Variants in ST3GAL1 observed in about 807,000 individuals in gnomAD.
ST3GAL1 encodes CMP-N-acetylneuraminate-beta-galactosamide-alpha-2,3-sialyltransferase 1.
A neutral mutation model predicts 34.1 loss-of-function variants in ST3GAL1; 16 were observed. That is an observed-to-expected ratio of 0.47 (90% confidence interval 0.32 to 0.71). The LOEUF is 0.71. Among genes scored for constraint, ST3GAL1 ranks in the 30% least tolerant of loss-of-function variants. The pLI, the probability that ST3GAL1 is intolerant of heterozygous loss-of-function variation, is 0.04. For missense variants in ST3GAL1, 353 were observed against 447.4 expected (o/e 0.79, Z 1.90); for synonymous variants, 191 against 184.7 (o/e 1.03, Z -0.28).
At chr8:133,544,198 C>T in intron 2 of ST3GAL1, 1 of 151,658 alleles carries the variant, frequency 6.6e-6, no homozygotes, top group Middle Eastern at 3.2e-3. Flanking sequence ...TCTGTTCCTT[C>T]TTGGGTCCCT....
intron 7 of ST3GAL1, among the ~76,000 whole-genome samples, chr8:133,464,452 C>T (rs903729073): frequency 6.6e-6 from 1 of 152,216 alleles, no homozygotes; most frequent in African/African-American, 2.4e-5. Context: ...TGTCAGGCTG[C>T]ACTTCAGAAA....
intron 1 of ST3GAL1, among the ~76,000 whole-genome samples, chr8:133,564,826 GA>G (rs1819343682): frequency 6.6e-6 from 1 of 152,200 alleles, no homozygotes; most frequent in African/African-American, 2.4e-5. Flanking sequence ...CTGAGACATA[GA>G]AAAGGTCAGT....
At chr8:133,569,008 G>C (rs1479668835) in intron 1 of ST3GAL1, among the ~76,000 whole-genome samples, 5 of 152,202 alleles carry the variant, frequency 3.3e-5, no homozygotes, top group Non-Finnish European at 1.5e-5. Flanking sequence ...TGCTCAGAAG[G>C]CAGTTTCCGC....
intron 2 of ST3GAL1, among the ~76,000 whole-genome samples, chr8:133,531,829 A>G (rs1818166761): frequency 1.3e-5 from 2 of 151,442 alleles, no homozygotes; most frequent in African/African-American, 4.8e-5. Flanking sequence ...AAAAAAAAAA[A>G]AAAAAAAAAG....
chr8:133,557,272 A>C (rs1219971914), intron 1 of ST3GAL1, among the ~76,000 whole-genome samples: 1 of 152,224 alleles, frequency 6.6e-6, no homozygotes, highest in African/African-American at 2.4e-5. Context: ...TGTGCAGTGT[A>C]AACACAGTGG....
chr8:133,498,662 C>T (rs1230089362), intron 3 of ST3GAL1, among the ~76,000 whole-genome samples: 1 of 152,252 alleles, frequency 6.6e-6, no homozygotes, highest in East Asian at 1.9e-4. Context: ...AACTACGCAA[C>T]CATCCAGAGT....
chr8:133,479,770 A>T (rs778710226), intron 3 of ST3GAL1, among the ~76,000 whole-genome samples: 15 of 152,154 alleles, frequency 9.9e-5, no homozygotes, highest in Non-Finnish European at 1.8e-4. Context: ...TCCTGCAGCC[A>T]CACCTCCAAG....
chr8:133,530,289 T>TTA (rs1818112226), intron 2 of ST3GAL1, among the ~76,000 whole-genome samples: 2 of 119,050 alleles, frequency 1.7e-5, no homozygotes, highest in Admixed American at 8.3e-5. Context: ...TATTTTTATT[T>TTA]TTTTTTTTTG....
chr8:133,535,793 C>CA (rs1818294168), intron 2 of ST3GAL1, among the ~76,000 whole-genome samples: 2 of 152,176 alleles, frequency 1.3e-5, no homozygotes, highest in East Asian at 3.9e-4. Flanking sequence ...TTAAAAAATA[C>CA]AAAAAAGTAT....
intron 1 of ST3GAL1, among the ~76,000 whole-genome samples, chr8:133,548,869 G>A (rs1818746421): frequency 6.6e-6 from 1 of 152,162 alleles, no homozygotes; most frequent in African/African-American, 2.4e-5. Context: ...TATCATATGG[G>A]TGTAGGAGGC....
intron 5 of ST3GAL1, among the ~76,000 whole-genome samples, chr8:133,472,404 C>G (rs1453009603): frequency 6.6e-6 from 1 of 152,118 alleles, no homozygotes; most frequent in Non-Finnish European, 1.5e-5. Flanking sequence ...TATCTCCCAC[C>G]AGGTCCCTCC....
chr8:133,517,143 G>A (rs756165746), intron 2 of ST3GAL1, among the ~76,000 whole-genome samples: 1 of 152,180 alleles, frequency 6.6e-6, no homozygotes, highest in Non-Finnish European at 1.5e-5. Context: ...GACGTTTTCA[G>A]TAACACAGTG....
At chr8:133,543,622 C>A (rs905793836) in intron 2 of ST3GAL1, among the ~76,000 whole-genome samples, 1 of 151,768 alleles carries the variant, frequency 6.6e-6, no homozygotes, top group Admixed American at 6.6e-5. Context: ...AAAATGGAAA[C>A]GAATGCTCTG....
intron 5 of ST3GAL1, among the ~76,000 whole-genome samples, chr8:133,473,189 C>T (rs545918636): frequency 3.8e-4 from 58 of 152,142 alleles, no homozygotes; most frequent in Admixed American, 9.2e-4. Context: ...CCCTCCTGGG[C>T]GACACCAGCC....
intron 2 of ST3GAL1, among the ~76,000 whole-genome samples, chr8:133,530,707 G>A (rs958923577): frequency 2.6e-5 from 4 of 152,310 alleles, no homozygotes; most frequent in Middle Eastern, 3.4e-3. Flanking sequence ...CCTTTGTAAA[G>A]CTCATATGGA....
intron 1 of ST3GAL1, among the ~76,000 whole-genome samples, chr8:133,555,236 C>T (rs1452302913): frequency 1.3e-5 from 2 of 152,128 alleles, no homozygotes; most frequent in African/African-American, 2.4e-5. Context: ...TCATCTTCCT[C>T]ATCTCAGATC....
chr8:133,474,812 C>T (rs1469704666), intron 5 of ST3GAL1, among the ~76,000 whole-genome samples: 2 of 152,176 alleles, frequency 1.3e-5, no homozygotes, highest in Admixed American at 6.5e-5. Flanking sequence ...TTACAGAAGC[C>T]CCCTCTAAGT....
chr8:133,465,300 C>T (rs1815692951), intron 6 of ST3GAL1, among the ~76,000 whole-genome samples: 2 of 152,090 alleles, frequency 1.3e-5, no homozygotes, highest in South Asian at 4.1e-4. Context: ...ACACCTGGTA[C>T]ACTGAGGCTC....
intron 3 of ST3GAL1, among the ~76,000 whole-genome samples, chr8:133,488,797 G>A (rs1436632374): frequency 2.0e-5 from 3 of 152,212 alleles, no homozygotes; most frequent in Non-Finnish European, 4.4e-5. Context: ...TGTGGGGACA[G>A]TAGGTGAGTC....
Sources: allele counts gnomAD v4.1 joint callset (sites outside exome capture counted in the v4.1 genomes callset), GRCh38; gene constraint gnomAD v4.1.1; transcripts MANE v1.5; gene names NCBI Gene and HGNC (gene_info 2026-07-23, HGNC 2026-07-21).